The following TMTC2 variants were observed in gnomAD, a reference collection of about 807,000 sequenced individuals.
TMTC2 encodes the protein protein O-mannosyl-transferase TMTC2.
A neutral mutation model predicts 82.4 loss-of-function variants in TMTC2; 43 were observed. The ratio of observed to expected loss-of-function variants is 0.52; its 90% CI spans 0.41 to 0.67. The LOEUF (loss-of-function observed/expected upper bound fraction) is 0.67. TMTC2 is among the 30% of genes least tolerant of loss of function. TMTC2 has a pLI of 0.00. For synonymous variants in TMTC2, 408 were observed against 381.9 expected, an observed-to-expected ratio of 1.07 and a Z score of -0.80; for missense variants, 919 against 1,012.4, an observed-to-expected ratio of 0.91 and a Z score of 1.25.
chr12:82,811,632 A>T (rs1868395477), intron 1 of TMTC2, among the ~76,000 whole-genome samples: 1 of 151,954 alleles, frequency 6.6e-6, no homozygotes. Flanking sequence ...ATCATTTTAG[A>T]AACTTAAAAT....
intron 1 of TMTC2, among the ~76,000 whole-genome samples, chr12:82,786,713 C>A (rs1189000438): frequency 6.6e-6 from 1 of 152,014 alleles, no homozygotes; most frequent in Non-Finnish European, 1.5e-5. Context: ...GTGATCTGGG[C>A]CTGGCATCTT....
intron 3 of TMTC2, among the ~76,000 whole-genome samples, chr12:82,902,167 A>G (rs999726543): frequency 6.6e-6 from 1 of 152,110 alleles, no homozygotes; most frequent in East Asian, 1.9e-4. Context: ...TTCCTCTCCT[A>G]CTGCCAGAGC....
At chr12:82,796,677 T>G (rs1294876929) in intron 1 of TMTC2, among the ~76,000 whole-genome samples, 1 of 152,126 alleles carries the variant, frequency 6.6e-6, no homozygotes, top group Non-Finnish European at 1.5e-5. Flanking sequence ...AGCAGCCTCT[T>G]TGGCTGAACT....
chr12:82,748,548 G>T (rs1479751721), intron 1 of TMTC2, among the ~76,000 whole-genome samples: 2 of 151,746 alleles, frequency 1.3e-5, no homozygotes, highest in African/African-American at 2.4e-5. Context: ...CACATAAGAG[G>T]TACTCCCTAA....
chr12:82,824,281 A>G (rs1477801421), intron 1 of TMTC2, among the ~76,000 whole-genome samples: 2 of 152,160 alleles, frequency 1.3e-5, no homozygotes, highest in African/African-American at 4.8e-5. Flanking sequence ...GGAACACAAT[A>G]CTTTACCCAA....
chr12:82,912,869 G>A (rs1388693730), intron 3 of TMTC2, among the ~76,000 whole-genome samples: 1 of 150,720 alleles, frequency 6.6e-6, no homozygotes, highest in Non-Finnish European at 1.5e-5. Context: ...TCCTGGGGAG[G>A]TCGAAGCTGC....
chr12:82,800,426 G>A (rs975835187), intron 1 of TMTC2, among the ~76,000 whole-genome samples: 1 of 152,094 alleles, frequency 6.6e-6, no homozygotes, highest in Non-Finnish European at 1.5e-5. Flanking sequence ...TGTGTGTCTG[G>A]ACAGTTGTTC....
chr12:82,724,035 T>A (rs1342137134), intron 1 of TMTC2, among the ~76,000 whole-genome samples: 1 of 152,188 alleles, frequency 6.6e-6, no homozygotes, highest in Non-Finnish European at 1.5e-5. Flanking sequence ...TACAAAGAAC[T>A]TCTGGATTTG....
intron 11 of TMTC2, among the ~76,000 whole-genome samples, chr12:83,111,021 A>G (rs781703261): frequency 1.3e-5 from 2 of 152,138 alleles, no homozygotes; most frequent in Non-Finnish European, 2.9e-5. Flanking sequence ...CATTGCAATA[A>G]ATGGCTTCAT....
At chr12:82,958,267 A>G (rs1403540912) in intron 4 of TMTC2, among the ~76,000 whole-genome samples, 2 of 150,124 alleles carry the variant, frequency 1.3e-5, no homozygotes, top group Non-Finnish European at 3.0e-5. Flanking sequence ...AGGCAGGAGA[A>G]TCGCTTGAGC....
intron 4 of TMTC2, among the ~76,000 whole-genome samples, chr12:82,955,035 A>C (rs1437181166): frequency 6.6e-6 from 1 of 152,144 alleles, no homozygotes; most frequent in Non-Finnish European, 1.5e-5. Flanking sequence ...ACAGGGCTTT[A>C]TTTTCTGAAG....
In TMTC2 at chr12:82,965,601, A is replaced by C; in HGVS notation, c.1726A>C (p.Arg576=). The change falls in exon 6 of 12, where the codon AGG becomes CGG. Residue 576 remains arginine, a synonymous_variant. Transcript: ENST00000321196. ...CGGTATTATTCTAATGAACCAAGGA[A>C]GGACGGAAGAAGCCCGACGGACATT... ...NTGIILMNQG[R]TEEARRTFLK... The C allele has an allele frequency of 2.5e-6, 4 of 1,613,768 alleles. No individual in the cohort carries two copies. Among genetic ancestry groups the C allele is most frequent in the Non-Finnish European group, 3.4e-6 (4 of 1,179,722 alleles).
intron 2 of TMTC2, among the ~76,000 whole-genome samples, chr12:82,888,192 A>G (rs2137166819): frequency 6.6e-6 from 1 of 152,344 alleles, no homozygotes; most frequent in African/African-American, 2.4e-5. Context: ...AACCCTGTCC[A>G]TACTGGTGTG....
chr12:82,715,005 C>G (rs941096605), intron 1 of TMTC2, among the ~76,000 whole-genome samples: 1 of 151,992 alleles, frequency 6.6e-6, no homozygotes, highest in Non-Finnish European at 1.5e-5. Context: ...GGCACGGTGG[C>G]TCGCACCTGT....
At chr12:83,092,984 CA>C (rs1883893557) in intron 11 of TMTC2, among the ~76,000 whole-genome samples, 1 of 152,146 alleles carries the variant, frequency 6.6e-6, no homozygotes, top group Non-Finnish European at 1.5e-5. Context: ...ATTTAAATAT[CA>C]CTGTGTGTCA....
chr12:83,056,327 A>C (rs1466466224), intron 10 of TMTC2, among the ~76,000 whole-genome samples: 1 of 151,874 alleles, frequency 6.6e-6, no homozygotes, highest in Non-Finnish European at 1.5e-5. Flanking sequence ...GGAAACTATC[A>C]CTGTTCCCCA....
chr12:83,083,366 C>T (rs1049857795), intron 11 of TMTC2, among the ~76,000 whole-genome samples: 4 of 152,138 alleles, frequency 2.6e-5, no homozygotes, highest in African/African-American at 7.2e-5. Flanking sequence ...GTGGCTTGCT[C>T]GGGCAGTAAC....
At chr12:83,046,591 A>G (rs534282069) in intron 9 of TMTC2, among the ~76,000 whole-genome samples, 3 of 152,196 alleles carry the variant, frequency 2.0e-5, no homozygotes, top group South Asian at 2.1e-4. Flanking sequence ...TCCTGGCTCT[A>G]CCTTGTAGTA....
chr12:83,085,506 G>A (rs1240357487), intron 11 of TMTC2, among the ~76,000 whole-genome samples: 1 of 152,132 alleles, frequency 6.6e-6, no homozygotes, highest in Non-Finnish European at 1.5e-5. Flanking sequence ...ATATTCACTT[G>A]TATGGAGAGT....
Sources: gnomAD v4.1 joint callset for allele counts (sites outside exome capture counted in the v4.1 genomes callset) on GRCh38, gnomAD v4.1.1 for gene constraint, MANE v1.5 for transcripts, NCBI Gene and HGNC (gene_info 2026-07-23, HGNC 2026-07-21) for gene names.